RPF2: variants seen among roughly 807,000 people sequenced by gnomAD.
RPF2 encodes ribosome production factor 2 homolog.
RPF2 carries 21 observed loss-of-function variants against 38.9 expected under a neutral mutation model. The observed-to-expected ratio is 0.54, with a 90% CI of 0.38 to 0.78. RPF2 has a LOEUF of 0.78. Ranked by LOEUF, RPF2 falls within the 30% of genes least tolerant of loss-of-function variation. The probability of loss-of-function intolerance (pLI) is 0.00; values close to 1 mark genes in which losing one functional copy is unlikely to be tolerated. For missense variants in RPF2, 314 were observed against 358.1 expected (o/e 0.88, Z 0.99); for synonymous variants, 121 against 126.2 (o/e 0.96, Z 0.28).
At chr6:111,001,103 G>A (rs1008321512) in intron 6 of RPF2, among the ~76,000 whole-genome samples, 6 of 152,098 alleles carry the variant, frequency 3.9e-5, no homozygotes, top group African/African-American at 1.4e-4. Flanking sequence ...GTTTCCTCAG[G>A]TACAGGTGGA....
chr6:110,982,801 G>A (rs2114281839), intron 1 of RPF2, among the ~76,000 whole-genome samples: 2 of 152,258 alleles, frequency 1.3e-5, no homozygotes, highest in Middle Eastern at 6.8e-3. Flanking sequence ...GACAGTTTTA[G>A]TCATTCAGAG....
chr6:111,019,708 A>G (rs1772195237), intron 8 of RPF2, among the ~76,000 whole-genome samples: 2 of 152,020 alleles, frequency 1.3e-5, no homozygotes, highest in East Asian at 3.9e-4. Flanking sequence ...CTGGGCAACA[A>G]GAGTGAAACT....
At chr6:111,022,840 G>T (rs938244933) in intron 8 of RPF2, among the ~76,000 whole-genome samples, 2 of 152,182 alleles carry the variant, frequency 1.3e-5, no homozygotes, top group Admixed American at 6.5e-5. Context: ...AAAATTAGCA[G>T]TTTTAAGTGG....
At chr6:111,010,187 G>C (rs1011182330) in intron 7 of RPF2, among the ~76,000 whole-genome samples, 2 of 150,274 alleles carry the variant, frequency 1.3e-5, no homozygotes, top group Admixed American at 1.3e-4. Context: ...GAGTGTACTG[G>C]TGTGATCACG....
intron 7 of RPF2, 147 bp downstream of exon 7, chr6:111,008,284 C>A: frequency 1.1e-6 from 1 of 941,660 alleles, no homozygotes; most frequent in Non-Finnish European, 1.4e-6. Flanking sequence ...TAATGGAGTG[C>A]TTCACAAATT....
chr6:111,004,554 T>G (rs1053946817), intron 6 of RPF2, among the ~76,000 whole-genome samples: 2 of 151,764 alleles, frequency 1.3e-5, no homozygotes, highest in Non-Finnish European at 2.9e-5. Context: ...TTGGGGTTTT[T>G]TTTTTTTTGG....
intron 7 of RPF2, among the ~76,000 whole-genome samples, chr6:111,009,119 G>A (rs1319556735): frequency 2.6e-5 from 4 of 152,088 alleles, no homozygotes; most frequent in Non-Finnish European, 5.9e-5. Context: ...GCAGTGGCGC[G>A]ATCTCGGCTC....
chr6:111,008,472 C>G (rs970315694), intron 7 of RPF2, among the ~76,000 whole-genome samples: 4 of 151,788 alleles, frequency 2.6e-5, no homozygotes, highest in African/African-American at 9.7e-5. Context: ...GTTAAAGCAG[C>G]TGTTGTACTG....
At position 110,997,239 on chromosome 6, in the gene RPF2, G is replaced by C; in HGVS notation, c.291G>C (p.Lys97Asn). ...TATTCATGTTTGGCTCCCATAATAA[G>C]AAGCGGCCAAATAATCTAGTAATAG... Reference protein sequence around the residue: ...CSLFMFGSHNKKRPNNLVIGR... With the variant: ...CSLFMFGSHNNKRPNNLVIGR... Residue 97 changes from lysine to asparagine, a missense_variant, in exon 5 of 10, where the codon AAG (lysine) becomes AAC (asparagine). Transcript: ENST00000441448. 6.2e-7 allele frequency: 1 copy of C among 1,601,346 alleles called. No homozygotes were observed. The highest frequency in any genetic ancestry group is 8.5e-7 in the Non-Finnish European group (1 of 1,170,076).
At position 110,999,298 on chromosome 6, in the gene RPF2, A is replaced by G. The variant is rs1233200520; in HGVS notation, c.317-413A>G. ...TAGATATTTTTTTCATATGAAATAT[A>G]TATATGTACTAAATCAATATTAGAA... On this transcript the variant is annotated intron_variant, in intron 5 of 9. Coordinates refer to ENST00000441448, the MANE Select transcript of RPF2 (RefSeq NM_032194.3). 2.6e-5 allele frequency among the ~76,000 whole-genome samples: 4 copies of G among 152,224 alleles called. No homozygotes were observed. The East Asian group carries it at 7.7e-4, about 29-fold the overall frequency.
intron 7 of RPF2, among the ~76,000 whole-genome samples, chr6:111,014,416 G>A (rs1164937487): frequency 6.6e-6 from 1 of 152,314 alleles, no homozygotes; most frequent in East Asian, 1.9e-4. Context: ...ACAGGCATGA[G>A]CCACTGCACC....
intron 8 of RPF2, among the ~76,000 whole-genome samples, chr6:111,017,580 G>T (rs1381556765): frequency 2.0e-5 from 3 of 151,216 alleles, no homozygotes. Flanking sequence ...AGATGGGGTC[G>T]CGGCCGGGCA....
intron 8 of RPF2, among the ~76,000 whole-genome samples, chr6:111,022,350 C>T (rs770336843): frequency 1.3e-5 from 2 of 152,168 alleles, no homozygotes; most frequent in Non-Finnish European, 2.9e-5. Flanking sequence ...GTAGAAATTA[C>T]CAGTTAGCAT....
chr6:111,024,547 A>T (rs1011669387), intron 9 of RPF2, among the ~76,000 whole-genome samples: 1 of 152,068 alleles, frequency 6.6e-6, no homozygotes, highest in Non-Finnish European at 1.5e-5. Flanking sequence ...CCCCGTCTCT[A>T]TGAAAAATAC....
chr6:110,997,965 C>T (rs1771747073), intron 5 of RPF2, among the ~76,000 whole-genome samples: 2 of 151,442 alleles, frequency 1.3e-5, no homozygotes, highest in South Asian at 4.2e-4. Flanking sequence ...AGTGCAATGG[C>T]CCAATCTCGG....
intron 6 of RPF2, among the ~76,000 whole-genome samples, chr6:111,001,915 G>A (rs1165636713): frequency 2.0e-5 from 3 of 152,168 alleles, no homozygotes; most frequent in East Asian, 1.9e-4. Context: ...AGGCCCTGGC[G>A]GGAGGATTGC....
Position 111,024,262 on chromosome 6 carries a change from A to G in RPF2, c.676A>G (p.Arg226Gly), listed in dbSNP as rs748239571. 1 of 1,612,156 alleles carries G rather than the reference A, an allele frequency of 6.2e-7. No individual in the cohort carries two copies. The highest frequency in any genetic ancestry group is 8.5e-7 in the Non-Finnish European group (1 of 1,179,916). ...EMGPSLDLVL[R>G]RTHLASDDLY... is the part of the protein sequence containing the mutation. Reference sequence around the variant, plus strand: ...GGGACCCTCATTGGATCTGGTTCTGAGGAGGACACACCTGGCATCGGATGA... The same window carrying G: ...GGGACCCTCATTGGATCTGGTTCTGGGGAGGACACACCTGGCATCGGATGA... Residue 226 changes from arginine to glycine, a missense_variant, in exon 9 of 10, where the codon AGG becomes GGG. Arg to Gly is a moderately radical substitution (Grantham distance 125, BLOSUM62 -2). Transcript: ENST00000441448.
chr6:111,018,355 C>T (rs1772169589), intron 8 of RPF2, among the ~76,000 whole-genome samples: 1 of 152,188 alleles, frequency 6.6e-6, no homozygotes, highest in Admixed American at 6.5e-5. Flanking sequence ...AATTGCCTTT[C>T]TCTGTACATT....
intron 6 of RPF2, among the ~76,000 whole-genome samples, chr6:111,002,831 T>C (rs1771833728): frequency 6.6e-6 from 1 of 151,840 alleles, no homozygotes; most frequent in Non-Finnish European, 1.5e-5. Context: ...TACAGTGGCA[T>C]GATCTCGGCT....
Sources: allele counts gnomAD v4.1 joint callset (sites outside exome capture counted in the v4.1 genomes callset), GRCh38; gene constraint gnomAD v4.1.1; transcripts MANE v1.5; gene names NCBI Gene and HGNC (gene_info 2026-07-23, HGNC 2026-07-21).